The following FOXJ3 variants were observed in gnomAD, a reference collection of about 807,000 sequenced individuals.
FOXJ3 encodes the protein forkhead box J3.
In FOXJ3, 22 loss-of-function variants were observed where a neutral mutation model predicts 76.1. That is an observed-to-expected ratio of 0.29 (90% CI 0.21 to 0.41). The LOEUF is 0.41. FOXJ3 is among the 10% of genes least tolerant of loss of function. FOXJ3 has a pLI of 1.00. For synonymous variants in FOXJ3, 269 were observed against 261.2 expected, an observed-to-expected ratio of 1.03 and a Z score of -0.29; for missense variants, 613 against 762.1, an observed-to-expected ratio of 0.80 and a Z score of 2.30.
intron 5 of FOXJ3, among the ~76,000 whole-genome samples, chr1:42,226,362 A>C (rs1308176197): frequency 1.3e-5 from 2 of 152,242 alleles, no homozygotes; most frequent in African/African-American, 2.4e-5. Flanking sequence ...CTGTAGTACC[A>C]GCACTTTGAG....
intron 5 of FOXJ3, among the ~76,000 whole-genome samples, chr1:42,208,669 T>A (rs1409915817): frequency 6.6e-6 from 1 of 152,148 alleles, no homozygotes; most frequent in Non-Finnish European, 1.5e-5. Context: ...CTATTCAACA[T>A]AGTACTGGAT....
intron 5 of FOXJ3, among the ~76,000 whole-genome samples, chr1:42,207,843 G>GAGCA (rs1553157288): frequency 1.3e-5 from 2 of 152,194 alleles, no homozygotes; most frequent in Non-Finnish European, 2.9e-5. Flanking sequence ...TACACATTGA[G>GAGCA]AGCAAGGTGA....
At chr1:42,255,196 G>A (rs1034843638) in intron 4 of FOXJ3, among the ~76,000 whole-genome samples, 4 of 152,094 alleles carry the variant, frequency 2.6e-5, no homozygotes, top group African/African-American at 7.2e-5. Context: ...GTAGATAAAC[G>A]AAATTATACT....
chr1:42,322,063 G>T (rs1553170378), intron 1 of FOXJ3, among the ~76,000 whole-genome samples: 1 of 148,586 alleles, frequency 6.7e-6, no homozygotes, highest in Non-Finnish European at 1.5e-5. Flanking sequence ...TGTCATAAAA[G>T]AAAAAAAAAA....
At chr1:42,201,113 G>A (rs897051081) in intron 6 of FOXJ3, among the ~76,000 whole-genome samples, 1 of 95,200 alleles carries the variant, frequency 1.1e-5, no homozygotes, top group Non-Finnish European at 2.3e-5. Context: ...ATTGATTTCT[G>A]AAGAGAATTC....
At chr1:42,234,673 C>G (rs960685654) in intron 4 of FOXJ3, among the ~76,000 whole-genome samples, 5 of 152,100 alleles carry the variant, frequency 3.3e-5, no homozygotes, top group African/African-American at 1.2e-4. Flanking sequence ...CACTCCAGAC[C>G]GTTTGCCTGG....
chr1:42,203,268 T>C (rs1332343506), intron 6 of FOXJ3, among the ~76,000 whole-genome samples: 2 of 152,230 alleles, frequency 1.3e-5, no homozygotes, highest in African/African-American at 4.8e-5. Flanking sequence ...TTCAATCACT[T>C]GTTTACATTG....
In FOXJ3 at chr1:42,278,574, G is replaced by T; in HGVS notation, c.143C>A (p.Ala48Glu). The T allele has an allele frequency of 6.2e-7, 1 of 1,614,120 alleles. No homozygotes were observed. The highest frequency in any genetic ancestry group is 8.5e-7 in the Non-Finnish European group (1 of 1,179,968). The change falls in exon 3 of 13, where the codon GCA (alanine) becomes GAA (glutamate). Residue 48 changes from alanine to glutamate, a missense_variant. Around this residue, in one of 3 missense-constraint regions of FOXJ3, gnomAD observed 77 missense variants for 115.1 expected, o/e 0.67. Transcript: ENST00000361346. ...CTTCTTAGAAATTCCTGTTCCATGT[G>T]CATTTTGTGTAGCATCAGATTTTTG... The part of the protein sequence containing the change: ...AIQKSDATQN[A>E]HGTGISKKNA...
rs1294656601 is a variant in FOXJ3, at chr1:42,176,874, C to G, written c.*2836G>C. On this transcript the variant is annotated 3_prime_UTR_variant, in exon 13 of 13. Transcript: ENST00000361346. ...AATACTCTATTCCATTTGAAATTAT[C>G]CCCGGATTGATTCCCTCCCACTTCA... The G allele has an allele frequency of 6.6e-6, 1 of 152,622 alleles. No individual in the cohort carries two copies. Among genetic ancestry groups the G allele is most frequent in the Non-Finnish European group, 1.5e-5 (1 of 68,034 alleles). 9.5% of individuals were successfully genotyped at this position (152,622 alleles called of 1,614,324 possible). A position where few individuals can be genotyped will look rare whatever the true frequency, so the allele number is the denominator to read the frequency against.
chr1:42,260,182 T>A (rs1650925720), intron 4 of FOXJ3, among the ~76,000 whole-genome samples: 2 of 152,194 alleles, frequency 1.3e-5, no homozygotes, highest in African/African-American at 4.8e-5. Context: ...ACAACACTGT[T>A]CATCATTTAA....
Position 42,191,436 on chromosome 1 carries a change from T to C in FOXJ3, c.1218A>G (p.Gln406=). ...GGTGAGGGGACTGGAGCTGGCTGTG[T>C]TGCTGTGGGTGTGGTGCTGGGTGTG... ...RSPHPAPHPQ[Q]HSQLQSPHPQ... The change falls in exon 9 of 13, where the codon CAA becomes CAG. Residue 406 remains glutamine (Q), a synonymous_variant. Coordinates refer to ENST00000361346, the MANE Select transcript of FOXJ3 (RefSeq NM_014947.5). The C allele has an allele frequency of 6.2e-7, 1 of 1,613,094 alleles. No individual in the cohort carries two copies. The highest frequency in any genetic ancestry group is 8.5e-7 in the Non-Finnish European group (1 of 1,179,244).
chr1:42,261,322 A>T (rs1420196311), intron 4 of FOXJ3, among the ~76,000 whole-genome samples: 1 of 152,200 alleles, frequency 6.6e-6, no homozygotes, highest in Non-Finnish European at 1.5e-5. Context: ...AAAGGGTATA[A>T]TCAAGAGAAA....
At chr1:42,330,868 T>C (rs1464597341) in intron 1 of FOXJ3, among the ~76,000 whole-genome samples, 3 of 152,202 alleles carry the variant, frequency 2.0e-5, no homozygotes, top group Non-Finnish European at 4.4e-5. Flanking sequence ...TAAGATATTC[T>C]GCCTTTATCA....
intron 2 of FOXJ3, among the ~76,000 whole-genome samples, chr1:42,284,739 T>C (rs1349281629): frequency 1.3e-5 from 2 of 152,212 alleles, no homozygotes; most frequent in Admixed American, 6.5e-5. Context: ...CCTTAGGAGC[T>C]AAAAGAGGTC....
At chr1:42,181,849 G>T in intron 12 of FOXJ3, 68 bp downstream of exon 12, 2 of 1,014,924 alleles carry the variant, frequency 2.0e-6, no homozygotes, top group African/African-American at 1.6e-5. Flanking sequence ...ACCTGCCATC[G>T]TTGTTCCTGG....
rs191131627 is a variant in FOXJ3, at chr1:42,230,592, C to T, written c.445-2626G>A. On this transcript the variant is annotated intron_variant, in intron 4 of 12. Coordinates refer to ENST00000361346, the MANE Select transcript of FOXJ3 (RefSeq NM_014947.5). ...ATGAAAACAAAACGTTGACTGTAATCCATCATATGAGGTCAGGCATGGAAT... is the reference window on the plus strand; with the variant it reads ...ATGAAAACAAAACGTTGACTGTAATTCATCATATGAGGTCAGGCATGGAAT... Among the ~76,000 whole-genome samples, 32 of 152,200 alleles carry T rather than the reference C, an allele frequency of 2.1e-4. 1 individual carries two copies. The East Asian group carries it at 6.0e-3, about 28-fold the overall frequency.
At chr1:42,261,568 C>T (rs1651041255) in intron 4 of FOXJ3, among the ~76,000 whole-genome samples, 1 of 152,032 alleles carries the variant, frequency 6.6e-6, no homozygotes, top group South Asian at 2.1e-4. Context: ...TAGATAGCCA[C>T]ATAAAAACAT....
intron 1 of FOXJ3, among the ~76,000 whole-genome samples, chr1:42,329,016 G>C (rs1273905264): frequency 6.6e-6 from 1 of 152,056 alleles, no homozygotes; most frequent in African/African-American, 2.4e-5. Flanking sequence ...GACACTGTAT[G>C]AGTCTCATTT....
At position 42,227,899 on chromosome 1, in the gene FOXJ3, G is replaced by C. The variant is rs1214851050; in HGVS notation, c.512C>G (p.Ala171Gly). ...DVLPTRPKKR[A>G]RSVERASTPY... ...AGCCTTTACCCGTTCTACAGATCGTGCCCTCTTCTTTGGCCGAGTAGGCAG... is the reference window on the plus strand; with the variant it reads ...AGCCTTTACCCGTTCTACAGATCGTCCCCTCTTCTTTGGCCGAGTAGGCAG... Residue 171 changes from alanine (A) to glycine (G), a missense_variant, in exon 5 of 13, where the codon GCA becomes GGA. Ala to Gly is a moderately conservative substitution (Grantham distance 60). Around this residue, in one of 3 missense-constraint regions of FOXJ3, gnomAD observed 526 missense variants for 601.4 expected, o/e 0.87. Transcript: ENST00000361346. 1 of 1,573,742 alleles carries C rather than the reference G, an allele frequency of 6.4e-7. No individual in the cohort carries two copies. The highest frequency in any genetic ancestry group is 2.2e-5 in the East Asian group (1 of 44,484).
Sources: gnomAD v4.1 joint callset for allele counts (sites outside exome capture counted in the v4.1 genomes callset) on GRCh38, gnomAD v4.1.1 for gene constraint, gnomAD v4.1.1 regional missense constraint, MANE v1.5 for transcripts, NCBI Gene and HGNC (gene_info 2026-07-23, HGNC 2026-07-21) for gene names.